The following ENTPD2 variants were observed in gnomAD, a reference collection of about 807,000 sequenced individuals.
ENTPD2 encodes ectonucleoside triphosphate diphosphohydrolase 2.
ENTPD2 carries 48 observed loss-of-function variants against 46.8 expected under a neutral mutation model. The observed-to-expected ratio is 1.03, with a 90% CI of 0.81 to 1.30. The LOEUF is 1.30. Ranked by LOEUF, ENTPD2 falls within the 50% of genes most tolerant of loss-of-function variation. ENTPD2 has a pLI of 0.00. For synonymous variants in ENTPD2, 316 were observed against 286.1 expected, an observed-to-expected ratio of 1.10 and a Z score of -1.06; for missense variants, 707 against 651.1, an observed-to-expected ratio of 1.09 and a Z score of -0.93.
In ENTPD2 at chr9:137,053,986, C is replaced by T. The variant is rs960087532; in HGVS notation, c.12G>A (p.Lys4=). The change falls in exon 1 of 9, where the codon AAG becomes AAA. Residue 4 remains lysine (K), a synonymous_variant. Coordinates refer to ENST00000355097, the MANE Select transcript of ENTPD2 (RefSeq NM_203468.3). The part of the protein sequence containing the change: MAG[K]VRSLLPPLLL... ...GCAGCGGCGGCAGCAGTGACCGCAC[C>T]TTCCCGGCCATGGGCGGGCGGGCGC... The T allele has an allele frequency of 5.8e-6, 7 of 1,205,700 alleles. No individual in the cohort carries two copies. Among genetic ancestry groups the T allele is most frequent in the Admixed American group, 4.3e-5 (1 of 23,084 alleles). The allele number at this position is 1,205,700 out of a possible 1,614,324, so 74.7% of individuals were successfully genotyped here.
chr9:137,052,548 A>G, intron 1 of ENTPD2, 200 bp from the exon 2 acceptor site: 1 of 487,434 alleles, frequency 2.1e-6, no homozygotes, highest in Non-Finnish European at 3.7e-6. Context: ...GGTGGTGGGG[A>G]GGTGACTCTT....
At chr9:137,052,592 T>G (rs1279248672) in intron 1 of ENTPD2, 1 of 395,390 alleles carries the variant, frequency 2.5e-6, no homozygotes, top group Non-Finnish European at 4.7e-6. Flanking sequence ...CATGCCAGGG[T>G]CTGGGCAGCA....
chr9:137,051,260 C>A lies in ENTPD2; in HGVS notation c.497G>T (p.Gly166Val). 1.9e-6 allele frequency: 3 copies of A among 1,612,924 alleles called. No homozygotes were observed. The highest frequency in any genetic ancestry group is 2.5e-6 in the Non-Finnish European group (3 of 1,179,874). The change falls in exon 4 of 9, where the codon GGG (glycine) becomes GTG (valine). Residue 166 changes from glycine to valine, a missense_variant. Gly to Val is a moderately radical substitution (Grantham distance 109). Transcript: ENST00000355097. ...GTTGGCAGTCACCCAGCCAAACACC[C>A]CCTCTTCCTGGCCCGAGAGGATGCG... ...GARILSGQEE[G>V]VFGWVTANYL...
chr9:137,051,728 A>G, intron 2 of ENTPD2, 68 bp from the exon 3 acceptor site: 1 of 1,378,498 alleles, frequency 7.3e-7, no homozygotes, highest in East Asian at 2.8e-5. Context: ...AGGCCAGGAG[A>G]GTGAGGGTGG....
At position 137,054,049 on chromosome 9, in the gene ENTPD2, G is replaced by C; in HGVS notation, c.-52C>G. On this transcript the variant is annotated 5_prime_UTR_variant, in exon 1 of 9. Transcript: ENST00000355097. ...TGCGTGGACCCGGAGAGTGCGGGGA[G>C]CCGGAGGCGGAGGCGGGCGGGGCCG... 1 of 1,153,140 alleles carries C rather than the reference G, an allele frequency of 8.7e-7. No homozygotes were observed. Among genetic ancestry groups the C allele is most frequent in the Non-Finnish European group, 1.1e-6 (1 of 925,976 alleles). The allele number at this position is 1,153,140 out of a possible 1,614,324, so 71.4% of individuals were successfully genotyped here. A position where few individuals can be genotyped will look rare whatever the true frequency, so the allele number is the denominator to read the frequency against.
At chr9:137,052,454 A>AC (rs1554745463) in intron 1 of ENTPD2, 106 bp from the exon 2 acceptor site, 2 of 695,848 alleles carry the variant, frequency 2.9e-6, no homozygotes, top group South Asian at 1.7e-5. Flanking sequence ...TCCCCCCCCC[A>AC]CCCAGTCATG....
At position 137,048,386 on chromosome 9, in the gene ENTPD2, G is replaced by A. The variant is rs1046846290; in HGVS notation, c.*271C>T. The A allele has an allele frequency of 9.2e-6, 4 of 436,656 alleles. No homozygotes were observed. In the South Asian group the frequency reaches 1.2e-4, roughly 13 times the overall value. The allele number at this position is 436,656 out of a possible 1,614,324, so 27.0% of individuals were successfully genotyped here. ...CACCCAGGCTCCTGTGGGTACCAGA[G>A]TCTCAGTTCCTATTTCCTGGGCTGC... On this transcript the variant is annotated 3_prime_UTR_variant, in exon 9 of 9. Coordinates refer to ENST00000355097, the MANE Select transcript of ENTPD2 (RefSeq NM_203468.3).
intron 1 of ENTPD2, chr9:137,052,636 TCAGGGACA>T: frequency 3.7e-6 from 1 of 269,630 alleles, no homozygotes; most frequent in South Asian, 6.5e-5. Flanking sequence ...AGGGACTGAG[TCAGGGACA>T]GAGGGACAGA....
intron 2 of ENTPD2, among the ~76,000 whole-genome samples, chr9:137,051,945 G>C (rs1391376280): frequency 6.6e-6 from 1 of 152,200 alleles, no homozygotes; most frequent in Non-Finnish European, 1.5e-5. Context: ...GGGTGTGTCC[G>C]CCAGGCCCCC....
chr9:137,049,719 C>T, intron 7 of ENTPD2, 151 bp downstream of exon 7: 1 of 905,706 alleles, frequency 1.1e-6, no homozygotes, highest in Non-Finnish European at 1.6e-6. Context: ...CCGGCCACAG[C>T]CACGCCACCT....
chr9:137,052,107 G>A (rs1270999790), intron 2 of ENTPD2, 124 bp downstream of exon 2: 1 of 836,204 alleles, frequency 1.2e-6, no homozygotes, highest in East Asian at 2.5e-5. Context: ...CTCTTTCCAG[G>A]GCTTCTGCCT....
chr9:137,048,914 G>GGCCCCCC, intron 8 of ENTPD2, 27 bp downstream of exon 8: 18 of 1,471,964 alleles, frequency 1.2e-5, no homozygotes, highest in Non-Finnish European at 1.5e-5. Context: ...CGCAAGGTCG[G>GGCCCCCC]CCCCGCCCCG....
rs749794737 is a variant in ENTPD2 at position 137,049,089 on chromosome 9, G to A, written c.1150-14C>T. On this transcript the variant is annotated splice_polypyrimidine_tract_variant and intron_variant, in intron 7 of 8. Transcript: ENST00000355097. ...CCGAGCTTGCAGCTGGGACGCGGGC[G>A]GGACACCGTCAGGCAGGCGACCACC... 7.2e-6 allele frequency: 11 copies of A among 1,531,266 alleles called. No homozygotes were observed. The Admixed American group carries it at 1.2e-4, about 17-fold the overall frequency. The allele number at this position is 1,531,266 out of a possible 1,614,324, so 94.9% of individuals were successfully genotyped here. A position where few individuals can be genotyped will look rare whatever the true frequency, so the allele number is the denominator to read the frequency against.
At chr9:137,049,374 A>T (rs1287618164) in intron 7 of ENTPD2, 1 of 635,912 alleles carries the variant, frequency 1.6e-6, no homozygotes. Context: ...TGGCCAGGGG[A>T]ACAGGACGAG....
chr9:137,050,452 G>C lies in ENTPD2; in HGVS notation c.861C>G (p.Ala287=). The change falls in exon 6 of 9, where the codon GCC becomes GCG. Residue 287 remains alanine, a synonymous_variant. Transcript: ENST00000355097. ...TGCTGTTGAAGTTCTGGGGCCGCTG[G>C]GCCATGGTGCATGGTGACTGGTACA... The part of the protein sequence containing the change: ...GDVYQSPCTM[A]QRPQNFNSSA... The C allele has an allele frequency of 1.2e-6, 2 of 1,612,934 alleles. No individual in the cohort carries two copies. The highest frequency in any genetic ancestry group is 1.7e-6 in the Non-Finnish European group (2 of 1,180,010).
intron 7 of ENTPD2, 32 bp downstream of exon 7, chr9:137,049,838 C>G: frequency 6.3e-7 from 1 of 1,592,246 alleles, no homozygotes; most frequent in East Asian, 2.2e-5. Flanking sequence ...AGCCCTTCCG[C>G]ACAGCCCTGA....
chr9:137,050,697 C>T lies in ENTPD2; in HGVS notation c.775-159G>A, dbSNP rs570001881. 3.9e-5 allele frequency among the ~76,000 whole-genome samples: 6 copies of T among 152,332 alleles called. No homozygotes were observed. In the East Asian group the frequency reaches 1.2e-3, roughly 29 times the overall value. On this transcript the variant is annotated intron_variant, in intron 5 of 8. Transcript: ENST00000355097. ...CTTGACAGATCCCAACGCCCCTGAC[C>T]AGGCTCCCTCTGAGAGCCGTCCCTG...
At position 137,049,126 on chromosome 9, in the gene ENTPD2, GC is replaced by G; in HGVS notation, c.1150-52del. On this transcript the variant is annotated intron_variant, in intron 7 of 8. Coordinates refer to ENST00000355097, the MANE Select transcript of ENTPD2 (RefSeq NM_203468.3). ...GGCAGGCGACCACCAGGAGGTCTCG[GC>G]CCCACGGGGAGAGGGGGCCGGCGGC... The G allele has an allele frequency of 1.3e-6, 2 of 1,532,340 alleles. 1 individual carries two copies. Among genetic ancestry groups the G allele is most frequent in the Middle Eastern group, 3.4e-4 (2 of 5,950 alleles). 94.9% of individuals were successfully genotyped at this position (1,532,340 alleles called of 1,614,324 possible).
chr9:137,050,382 G>C lies in ENTPD2; in HGVS notation c.931C>G (p.Arg311Gly). ...LSGSSDPHLC[R>G]DLVSGLFSFS... is the part of the protein sequence containing the mutation. ...CTGAAGAGCCCAGAAACCAGATCTCGGCAGAGGTGGGGGTCACTGCTCCCT... is the reference window on the plus strand; with the variant it reads ...CTGAAGAGCCCAGAAACCAGATCTCCGCAGAGGTGGGGGTCACTGCTCCCT... Residue 311 changes from arginine to glycine, a missense_variant, in exon 6 of 9, where the codon CGA (arginine) becomes GGA (glycine). By Grantham distance (125) the Arg-to-Gly change is moderately radical (BLOSUM62 -2). Coordinates refer to ENST00000355097, the MANE Select transcript of ENTPD2 (RefSeq NM_203468.3). 1.2e-6 allele frequency: 2 copies of C among 1,612,908 alleles called. No individual in the cohort carries two copies. Among genetic ancestry groups the C allele is most frequent in the African/African-American group, 2.7e-5 (2 of 74,996 alleles).
Sources: allele counts gnomAD v4.1 joint callset (sites outside exome capture counted in the v4.1 genomes callset), GRCh38; gene constraint gnomAD v4.1.1; transcripts MANE v1.5; gene names NCBI Gene and HGNC (gene_info 2026-07-23, HGNC 2026-07-21).